Variants in PPIC observed in about 807,000 individuals in gnomAD.
The protein encoded by PPIC is peptidylprolyl isomerase C, also known as peptidyl-prolyl cis-trans isomerase C.
A neutral mutation model predicts 19.5 loss-of-function variants in PPIC; 19 were observed. The ratio of observed to expected loss-of-function variants is 0.98; its 90% CI spans 0.68 to 1.43. The LOEUF (loss-of-function observed/expected upper bound fraction) is 1.43. PPIC is among the 40% of genes most tolerant of loss of function. The pLI, the probability that PPIC is intolerant of heterozygous loss-of-function variation, is 0.00. For synonymous variants in PPIC, 107 were observed against 101.2 expected, an observed-to-expected ratio of 1.06 and a Z score of -0.34; for missense variants, 268 against 268.6, an observed-to-expected ratio of 1.00 and a Z score of 0.02.
At chr5:123,025,053 G>A (rs571044682) in intron 4 of PPIC, among the ~76,000 whole-genome samples, 4 of 152,322 alleles carry the variant, frequency 2.6e-5, no homozygotes, top group South Asian at 2.1e-4. Flanking sequence ...TTTTGGATGC[G>A]TGTCTCTGTG....
At chr5:123,031,109 A>G (rs1251148722) in intron 1 of PPIC, among the ~76,000 whole-genome samples, 1 of 152,234 alleles carries the variant, frequency 6.6e-6, no homozygotes, top group African/African-American at 2.4e-5. Flanking sequence ...CTTCAGCTTC[A>G]TGAGTGAGCA....
rs1581873749 is a variant in PPIC, at chr5:123,028,686, C to G, written c.325+89G>C. Reference sequence around the variant, plus strand: ...TCGTCTTTACAACTGTGTTCCTTAGCTCTGGATTTCAACAGACTGGGTTCA... The same window carrying G: ...TCGTCTTTACAACTGTGTTCCTTAGGTCTGGATTTCAACAGACTGGGTTCA... On this transcript the variant is annotated intron_variant, in intron 3 of 4. Transcript: ENST00000306442. The G allele has an allele frequency of 5.7e-6, 6 of 1,056,752 alleles. No homozygotes were observed. In the South Asian group the frequency reaches 7.9e-5, roughly 14 times the overall value. 65.5% of individuals were successfully genotyped at this position (1,056,752 alleles called of 1,614,324 possible).
Position 123,023,834 on chromosome 5 carries a change from A to ACACC in PPIC, c.*37_*40dup. 6.2e-7 allele frequency: 1 copy of ACACC among 1,606,960 alleles called. No homozygotes were observed. Among genetic ancestry groups the ACACC allele is most frequent in the Non-Finnish European group, 8.5e-7 (1 of 1,176,734 alleles). ...CACACACACACACACACACACACAC[A>ACACC]CACCCCTGCCAAAGCATATCCTTGT... On this transcript the variant is annotated 3_prime_UTR_variant, in exon 5 of 5. Transcript: ENST00000306442.
rs1206681800 is a variant in PPIC, at chr5:123,023,397, T to C, written c.*478A>G. On this transcript the variant is annotated 3_prime_UTR_variant, in exon 5 of 5. Coordinates refer to ENST00000306442, the MANE Select transcript of PPIC (RefSeq NM_000943.5). The stretch of plus-strand genomic sequence containing the variant: ...TGCAAAAAGAGTTGATCTAAAAGTA[T>C]TTAATATAAAGAACAGCAAAGCACC... 1.3e-5 allele frequency: 2 copies of C among 152,302 alleles called. No homozygotes were observed. Among genetic ancestry groups the C allele is most frequent in the African/African-American group, 4.8e-5 (2 of 41,448 alleles). 9.4% of individuals were successfully genotyped at this position (152,302 alleles called of 1,614,324 possible). A position where few individuals can be genotyped will look rare whatever the true frequency, so the allele number is the denominator to read the frequency against.
At chr5:123,025,719 A>C in intron 4 of PPIC, 65 bp downstream of exon 4, 1 of 1,495,074 alleles carries the variant, frequency 6.7e-7, no homozygotes, top group Non-Finnish European at 9.2e-7. Context: ...AGATTAAAAT[A>C]AATCACTGAA....
In PPIC at chr5:123,035,817, T is replaced by A. The variant is rs45466494; in HGVS notation, c.117+692A>T. Among the ~76,000 whole-genome samples, 1,280 of 152,300 alleles carry A rather than the reference T, an allele frequency of 8.4e-3. 23 individuals carry two copies. The highest frequency in any genetic ancestry group is 0.03 in the African/African-American group (1,227 of 41,580). ...ACGAGGAAGCCTTAAAGACGCACTT[T>A]CTGGCAGCCCCCCGCCCCCTTTCCC... is the stretch of plus-strand genomic sequence containing the variant. On this transcript the variant is annotated intron_variant, in intron 1 of 4. Transcript: ENST00000306442.
chr5:123,027,802 T>C (rs1229406166), intron 3 of PPIC, among the ~76,000 whole-genome samples: 2 of 152,228 alleles, frequency 1.3e-5, no homozygotes, highest in African/African-American at 2.4e-5. Flanking sequence ...ATTAAAAATC[T>C]TAAATCTAAA....
intron 1 of PPIC, among the ~76,000 whole-genome samples, chr5:123,033,059 G>A (rs1180701572): frequency 6.6e-6 from 1 of 152,128 alleles, no homozygotes; most frequent in African/African-American, 2.4e-5. Flanking sequence ...GCTGCGATGT[G>A]GAAGAAACTG....
chr5:123,024,021 G>C lies in PPIC; in HGVS notation c.511-18C>G. The C allele has an allele frequency of 6.2e-7, 1 of 1,609,648 alleles. No homozygotes were observed. The highest frequency in any genetic ancestry group is 8.5e-7 in the Non-Finnish European group (1 of 1,177,438). On this transcript the variant is annotated intron_variant, in intron 4 of 4. Transcript: ENST00000306442. ...ACCACTGTCTGGTGAGAGAAAAGTAGACACATGGTTTAATTCTGACCAGCA... is the reference window on the plus strand; with the variant it reads ...ACCACTGTCTGGTGAGAGAAAAGTACACACATGGTTTAATTCTGACCAGCA...
chr5:123,032,229 A>T (rs1318123742), intron 1 of PPIC, among the ~76,000 whole-genome samples: 2 of 152,210 alleles, frequency 1.3e-5, no homozygotes, highest in Non-Finnish European at 2.9e-5. Context: ...TCCTCACCAC[A>T]CTGGGAAAGG....
chr5:123,029,190 A>G, intron 2 of PPIC, 115 bp downstream of exon 2: 1 of 1,560,580 alleles, frequency 6.4e-7, no homozygotes, highest in African/African-American at 1.4e-5. Context: ...ATAAAGTCAA[A>G]TGTGGTAAGG....
At chr5:123,032,575 T>C (rs892092945) in intron 1 of PPIC, among the ~76,000 whole-genome samples, 13 of 152,126 alleles carry the variant, frequency 8.5e-5, no homozygotes, top group African/African-American at 3.1e-4. Context: ...GCAAACACTC[T>C]CACTCTAAAC....
Position 123,023,834 on chromosome 5 carries a change from A to ACG in PPIC, c.*40_*41insCG. The ACG allele has an allele frequency of 6.2e-7, 1 of 1,606,960 alleles. No homozygotes were observed. The highest frequency in any genetic ancestry group is 8.5e-7 in the Non-Finnish European group (1 of 1,176,734). ...CACACACACACACACACACACACAC[A>ACG]CACCCCTGCCAAAGCATATCCTTGT... On this transcript the variant is annotated 3_prime_UTR_variant, in exon 5 of 5. Transcript: ENST00000306442.
chr5:123,028,837 T>C lies in PPIC; in HGVS notation c.263A>G (p.His88Arg), dbSNP rs1285385475. The change falls in exon 3 of 5, where the codon CAT (histidine) becomes CGT (arginine). Residue 88 changes from histidine to arginine, a missense_variant. Transcript: ENST00000306442. The part of the protein sequence containing the change: ...KGYGYKGSKF[H>R]RVIKDFMIQG... The stretch of plus-strand genomic sequence containing the variant: ...AATCATGAAATCCTTGATGACACGA[T>C]GAAACTTGCTTCCTTTATATCCATA... The C allele has an allele frequency of 2.5e-6, 4 of 1,613,274 alleles. No individual in the cohort carries two copies. The highest frequency in any genetic ancestry group is 3.4e-6 in the Non-Finnish European group (4 of 1,179,322).
chr5:123,028,706 G>T, intron 3 of PPIC, 69 bp downstream of exon 3: 3 of 1,252,250 alleles, frequency 2.4e-6, no homozygotes, highest in Non-Finnish European at 3.4e-6. Context: ...CAACAGACTG[G>T]GTTCATATAC....
chr5:123,033,768 T>C (rs1183444212), intron 1 of PPIC, among the ~76,000 whole-genome samples: 1 of 152,242 alleles, frequency 6.6e-6, no homozygotes, highest in Non-Finnish European at 1.5e-5. Context: ...TAAGGCCATC[T>C]AGCCACAGCC....
Position 123,025,810 on chromosome 5 carries a change from C to T in PPIC, c.484G>A (p.Val162Met), listed in dbSNP as rs778342861. 1 of 1,613,566 alleles carries T rather than the reference C, an allele frequency of 6.2e-7. No homozygotes were observed. The highest frequency in any genetic ancestry group is 8.5e-7 in the Non-Finnish European group (1 of 1,179,928). Residue 162 changes from valine to methionine, a missense_variant, in exon 4 of 5, where the codon GTG (valine) becomes ATG (methionine). Physicochemically the swap from Val to Met is conservative, Grantham distance 21 (BLOSUM62 1). Transcript: ENST00000306442. ...KPTWLDGKHV[V>M]FGKVIDGMTV... ...ATCCCATCAATGACTTTTCCAAACA[C>T]CACATGTTTGCCGTCCAACCAGGTG...
At chr5:123,027,457 TA>T (rs1028654232) in intron 3 of PPIC, among the ~76,000 whole-genome samples, 3 of 152,164 alleles carry the variant, frequency 2.0e-5, no homozygotes, top group Admixed American at 6.5e-5. Flanking sequence ...GCACCATTCC[TA>T]TGGCAGGAAG....
chr5:123,034,068 A>ACC (rs1762973266), intron 1 of PPIC, among the ~76,000 whole-genome samples: 1 of 152,170 alleles, frequency 6.6e-6, no homozygotes, highest in East Asian at 1.9e-4. Context: ...AGCACCTCAC[A>ACC]CCTCTCTTAT....
Sources: gnomAD v4.1 joint callset for allele counts (sites outside exome capture counted in the v4.1 genomes callset) on GRCh38, gnomAD v4.1.1 for gene constraint, MANE v1.5 for transcripts, NCBI Gene and HGNC (gene_info 2026-07-23, HGNC 2026-07-21) for gene names.